Variants in CEP250 observed in about 807,000 individuals in gnomAD.
CEP250 encodes the protein centrosomal protein 250.
A neutral mutation model predicts 315.7 loss-of-function variants in CEP250; 242 were observed. The observed-to-expected ratio is 0.77, with a 90% confidence interval of 0.69 to 0.85. The LOEUF is 0.85. CEP250 is among the 40% of genes least tolerant of loss of function. The pLI is 0.00. For synonymous variants in CEP250, 1,088 were observed against 1,175.0 expected (o/e 0.93, Z 1.51); for missense variants, 2,515 against 2,886.4 (o/e 0.87, Z 2.95).
chr20:35,498,777 G>T, intron 27 of CEP250, 61 bp downstream of exon 27: 2 of 1,496,816 alleles, frequency 1.3e-6, no homozygotes, highest in Non-Finnish European at 1.8e-6. Flanking sequence ...ATGAGGCAAA[G>T]GGGTGTGAAG....
intron 4 of CEP250, among the ~76,000 whole-genome samples, chr20:35,463,088 C>T (rs953874487): frequency 1.3e-5 from 2 of 152,138 alleles, no homozygotes; most frequent in Non-Finnish European, 2.9e-5. Flanking sequence ...GAGTCTCGCT[C>T]ATATAGAAAG....
chr20:35,469,526 A>G (rs1428665628), intron 9 of CEP250, among the ~76,000 whole-genome samples: 1 of 152,044 alleles, frequency 6.6e-6, no homozygotes, highest in African/African-American at 2.4e-5. Context: ...GGACCTTGGG[A>G]CTATCCCAAG....
Position 35,490,627 on chromosome 20 carries a change from A to G in CEP250, c.2587-10A>G. The G allele has an allele frequency of 6.2e-7, 1 of 1,609,776 alleles. No individual in the cohort carries two copies. ...ATTTGGTTCTAATGGTGTTTCCTTC[A>G]TGTGGCCAGGAGAAGGAGCGCTCCT... is the stretch of plus-strand genomic sequence containing the variant. On this transcript the variant is annotated splice_polypyrimidine_tract_variant and intron_variant, in intron 20 of 34. Coordinates refer to ENST00000397527, the MANE Select transcript of CEP250 (RefSeq NM_007186.6).
At chr20:35,500,858 T>C (rs541046996) in intron 28 of CEP250, among the ~76,000 whole-genome samples, 50 of 152,286 alleles carry the variant, frequency 3.3e-4, no homozygotes, top group Non-Finnish European at 2.9e-5. Flanking sequence ...TTTGATGAAC[T>C]GAAAGAAGGA....
chr20:35,470,275 G>A, intron 10 of CEP250: 2 of 469,678 alleles, frequency 4.3e-6, no homozygotes, highest in Non-Finnish European at 3.7e-6. Context: ...AGACACATTG[G>A]CAAATTAGTG....
At position 35,472,087 on chromosome 20, in the gene CEP250, C is replaced by T. The variant is rs2063037729; in HGVS notation, c.986C>T (p.Ser329Phe). Residue 329 changes from serine (S) to phenylalanine (F), a missense_variant, in exon 11 of 35, where the codon TCT (serine) becomes TTT (phenylalanine). Ser to Phe is a radical substitution (Grantham distance 155). Transcript: ENST00000397527. ...ACAGAATTAATGGAACATGAAGCAT[C>T]TCTTAGTAGGAATGCGCAAGAGGAG... Reference protein sequence around the residue: ...NHTELMEHEASLSRNAQEEKL... With the variant: ...NHTELMEHEAFLSRNAQEEKL... 1 of 1,613,074 alleles carries T rather than the reference C, an allele frequency of 6.2e-7. No individual in the cohort carries two copies. Among genetic ancestry groups the T allele is most frequent in the Non-Finnish European group, 8.5e-7 (1 of 1,179,142 alleles).
Position 35,502,601 on chromosome 20 carries a change from T to A in CEP250, c.4232T>A (p.Leu1411Gln). The change falls in exon 30 of 35, where the codon CTG becomes CAG. Residue 1411 changes from leucine (L) to glutamine (Q), a missense_variant. Leu to Gln is a moderately radical substitution (Grantham distance 113). Coordinates refer to ENST00000397527, the MANE Select transcript of CEP250 (RefSeq NM_007186.6). ...RAQALQEQGE[L>Q]KVAQGKALQE... ...CAGGCTCTGCAAGAGCAGGGCGAACTGAAGGTGGCCCAAGGGAAGGCTCTG... is the reference window on the plus strand; with the variant it reads ...CAGGCTCTGCAAGAGCAGGGCGAACAGAAGGTGGCCCAAGGGAAGGCTCTG... 1 of 1,614,224 alleles carries A rather than the reference T, an allele frequency of 6.2e-7. No individual in the cohort carries two copies.
chr20:35,501,902 A>G lies in CEP250; in HGVS notation c.3956A>G (p.His1319Arg). ...CTAGAATCTGAGCTGATGGAACTAC[A>G]TGAAACTATGGCATCCTTACAGAGT... ...NSLESELMEL[H>R]ETMASLQSRL... The change falls in exon 29 of 35, where the codon CAT becomes CGT. Residue 1319 changes from histidine (H) to arginine (R), a missense_variant. Coordinates refer to ENST00000397527, the MANE Select transcript of CEP250 (RefSeq NM_007186.6). 1 of 1,613,748 alleles carries G rather than the reference A, an allele frequency of 6.2e-7. No individual in the cohort carries two copies. Among genetic ancestry groups the G allele is most frequent in the South Asian group, 1.1e-5 (1 of 91,076 alleles).
Position 35,502,373 on chromosome 20 carries a change from T to A in CEP250, c.4021-17T>A, listed in dbSNP as rs367670380. Reference sequence around the variant, plus strand: ...AGGGAAGTGTAGTCTAAAGTGGCTTTTCATCTTGTCTTCTAGGGTGAGCGA... The same window carrying A: ...AGGGAAGTGTAGTCTAAAGTGGCTTATCATCTTGTCTTCTAGGGTGAGCGA... On this transcript the variant is annotated splice_polypyrimidine_tract_variant and intron_variant, in intron 29 of 34. Transcript: ENST00000397527. The A allele has an allele frequency of 3.1e-6, 5 of 1,594,184 alleles. No homozygotes were observed. Among genetic ancestry groups the A allele is most frequent in the Non-Finnish European group, 4.3e-6 (5 of 1,169,928 alleles).
intron 12 of CEP250, 140 bp from the exon 13 acceptor site, chr20:35,473,234 C>G (rs562565424): frequency 2.5e-5 from 17 of 668,708 alleles, no homozygotes; most frequent in Admixed American, 2.1e-4. Flanking sequence ...GGCCTGTCTT[C>G]TTGAATAGTT....
intron 24 of CEP250, 86 bp from the exon 25 acceptor site, chr20:35,496,490 TA>T: frequency 9.0e-7 from 1 of 1,111,464 alleles, no homozygotes; most frequent in East Asian, 2.5e-5. Flanking sequence ...TTTTGATTAT[TA>T]ATGCTATGTT....
rs1344139946 is a variant in CEP250, at chr20:35,517,439, G to C, written c.*5813G>C. On this transcript the variant is annotated 3_prime_UTR_variant, in exon 35 of 35. Transcript: ENST00000397527. ...TGTAGGGTTGTCAAGCTGGAGGCAGGGAGAGAAAAGCAAGAGCTTTTTGGT... is the reference window on the plus strand; with the variant it reads ...TGTAGGGTTGTCAAGCTGGAGGCAGCGAGAGAAAAGCAAGAGCTTTTTGGT... The C allele has an allele frequency of 6.6e-6, 1 of 152,196 alleles. No individual in the cohort carries two copies. Among genetic ancestry groups the C allele is most frequent in the Non-Finnish European group, 1.5e-5 (1 of 68,034 alleles). 9.4% of individuals were successfully genotyped at this position (152,196 alleles called of 1,614,324 possible). A position where few individuals can be genotyped will look rare whatever the true frequency, so the allele number is the denominator to read the frequency against.
rs1437272904 is a variant in CEP250, at chr20:35,518,131, G to GTTTTTT, written c.*6509_*6510insTTTTTT. ...TCAAACTCCTCTTCAGAGGCAGCGG[G>GTTTTTT]TTTTGTTTTTTTTTTAACTATGTTT... On this transcript the variant is annotated 3_prime_UTR_variant, in exon 35 of 35. Transcript: ENST00000397527. 6.0e-5 allele frequency: 5 copies of GTTTTTT among 83,502 alleles called. No individual in the cohort carries two copies. The highest frequency in any genetic ancestry group is 1.6e-4 in the African/African-American group (5 of 32,132). The allele number at this position is 83,502 out of a possible 1,614,324, so 5.2% of individuals were successfully genotyped here. A position where few individuals can be genotyped will look rare whatever the true frequency, so the allele number is the denominator to read the frequency against.
In CEP250 at chr20:35,502,558, A is replaced by G. The variant is rs778997715; in HGVS notation, c.4189A>G (p.Ser1397Gly). 1.9e-5 allele frequency: 30 copies of G among 1,614,094 alleles called. No individual in the cohort carries two copies. The highest frequency in any genetic ancestry group is 2.5e-5 in the Non-Finnish European group (29 of 1,180,056). The change falls in exon 30 of 35, where the codon AGT becomes GGT. Residue 1397 changes from serine to glycine, a missense_variant. By Grantham distance (56) the Ser-to-Gly change is moderately conservative. Coordinates refer to ENST00000397527, the MANE Select transcript of CEP250 (RefSeq NM_007186.6). ...ALKLKNEEVE[S>G]ERERAQALQE... ...GAAGCTGAAAAATGAGGAAGTAGAG[A>G]GTGAGCGTGAGAGAGCCCAGGCTCT...
At chr20:35,491,179 C>T in intron 21 of CEP250, 33 bp from the exon 22 acceptor site, 4 of 1,605,342 alleles carry the variant, frequency 2.5e-6, no homozygotes, top group African/African-American at 1.3e-5. Flanking sequence ...TAATCCTGAG[C>T]CCACAAGCTG....
In CEP250 at chr20:35,514,644, AC is replaced by A. The variant is rs1312572538; in HGVS notation, c.*3021del. 1 of 152,380 alleles carries A rather than the reference AC, an allele frequency of 6.6e-6. No individual in the cohort carries two copies. Among genetic ancestry groups the A allele is most frequent in the Non-Finnish European group, 1.5e-5 (1 of 68,196 alleles). The allele number at this position is 152,380 out of a possible 1,614,324, so 9.4% of individuals were successfully genotyped here. A position where few individuals can be genotyped will look rare whatever the true frequency, so the allele number is the denominator to read the frequency against. ...CCCTGAAGGCAGAAAAACTGAATGT[AC>A]CCGTTAAAGGAGGAGAAGCTGGTGG... On this transcript the variant is annotated 3_prime_UTR_variant, in exon 35 of 35. Coordinates refer to ENST00000397527, the MANE Select transcript of CEP250 (RefSeq NM_007186.6).
At chr20:35,476,959 C>T (rs1256956282) in intron 16 of CEP250, among the ~76,000 whole-genome samples, 2 of 152,014 alleles carry the variant, frequency 1.3e-5, no homozygotes, top group Non-Finnish European at 2.9e-5. Context: ...AGCAATTCTC[C>T]TGCCTCAGCC....
At chr20:35,466,831 T>C in intron 7 of CEP250, 135 bp from the exon 8 acceptor site, 1 of 631,866 alleles carries the variant, frequency 1.6e-6, no homozygotes. Flanking sequence ...ATAACCTGGA[T>C]AGATACCCAT....
At chr20:35,470,890 GA>G (rs796907111) in intron 10 of CEP250, among the ~76,000 whole-genome samples, 8 of 152,330 alleles carry the variant, frequency 5.3e-5, no homozygotes, top group African/African-American at 1.9e-4. Context: ...TCTTGTGAAG[GA>G]GTAAGGTTTT....
Sources: gnomAD v4.1 joint callset for allele counts (sites outside exome capture counted in the v4.1 genomes callset) on GRCh38, gnomAD v4.1.1 for gene constraint, MANE v1.5 for transcripts, NCBI Gene and HGNC (gene_info 2026-07-23, HGNC 2026-07-21) for gene names.